Variants in NRXN3 observed in about 807,000 individuals in gnomAD.
NRXN3 encodes neurexin 3.
In NRXN3, 32 loss-of-function variants were observed where a neutral mutation model predicts 137.6. The observed-to-expected ratio is 0.23, with a 90% CI of 0.18 to 0.31. The LOEUF (loss-of-function observed/expected upper bound fraction) is 0.31, where lower values mean the gene tolerates loss of function less well. Ranked by LOEUF, NRXN3 falls within the 10% of genes least tolerant of loss-of-function variation. The probability of loss-of-function intolerance (pLI) is 1.00; values close to 1 mark genes in which losing one functional copy is unlikely to be tolerated. For synonymous variants in NRXN3, 798 were observed against 784.5 expected, an observed-to-expected ratio of 1.02 and a Z score of -0.29; for missense variants, 1,574 against 2,062.5, an observed-to-expected ratio of 0.76 and a Z score of 4.59.
At chr14:79,351,881 A>G (rs1472319190) in intron 15 of NRXN3, among the ~76,000 whole-genome samples, 2 of 152,192 alleles carry the variant, frequency 1.3e-5, no homozygotes, top group Non-Finnish European at 2.9e-5. Context: ...CAAACAGTAT[A>G]TCATCTATGT....
intron 10 of NRXN3, among the ~76,000 whole-genome samples, chr14:78,893,242 G>A (rs2099164365): frequency 6.6e-6 from 1 of 151,874 alleles, no homozygotes; most frequent in South Asian, 2.1e-4. Context: ...TCCCTTTGTT[G>A]GCATAATTGA....
intron 10 of NRXN3, among the ~76,000 whole-genome samples, chr14:78,943,867 T>C (rs2099360127): frequency 6.7e-6 from 1 of 148,678 alleles, no homozygotes; most frequent in Admixed American, 6.7e-5. Flanking sequence ...TTAGACCTGG[T>C]TTTCAAGGTG....
chr14:79,582,395 G>A (rs1423042491), intron 16 of NRXN3, among the ~76,000 whole-genome samples: 1 of 151,974 alleles, frequency 6.6e-6, no homozygotes, highest in Non-Finnish European at 1.5e-5. Context: ...TTTTTGTTTG[G>A]TTTTGTTTAT....
chr14:78,272,738 C>T (rs1370628185), intron 2 of NRXN3, among the ~76,000 whole-genome samples: 1 of 152,156 alleles, frequency 6.6e-6, no homozygotes, highest in Non-Finnish European at 1.5e-5. Context: ...TGACCCTTAC[C>T]TGATGTGCTG....
In NRXN3 at chr14:79,666,591, T is replaced by G. The variant is rs1421264347; in HGVS notation, c.3616+2642T>G. Among the ~76,000 whole-genome samples, 2 of 152,014 alleles carry G rather than the reference T, an allele frequency of 1.3e-5. 1 individual carries two copies. The highest frequency in any genetic ancestry group is 1.3e-4 in the Admixed American group (2 of 15,234). ...AAGTGAAGGAAGACCTAGGACAAGA[T>G]TTTTCTGTTTCCAATTGGGCAGTTT... On this transcript the variant is annotated intron_variant, in intron 17 of 20. Coordinates refer to ENST00000335750, the MANE Select transcript of NRXN3 (RefSeq NM_001330195.2).
chr14:79,676,922 CTT>C (rs1035833682), intron 17 of NRXN3, among the ~76,000 whole-genome samples: 3 of 151,938 alleles, frequency 2.0e-5, no homozygotes, highest in African/African-American at 7.2e-5. Context: ...TCTTAATCCT[CTT>C]TTAAAAAGGA....
intron 3 of NRXN3, among the ~76,000 whole-genome samples, chr14:78,285,630 T>G (rs145726517): frequency 6.6e-6 from 1 of 152,166 alleles, no homozygotes; most frequent in African/African-American, 2.4e-5. Flanking sequence ...AGCCTAGAAC[T>G]CTGACAATAC....
intron 4 of NRXN3, among the ~76,000 whole-genome samples, chr14:78,601,607 C>T (rs2097202420): frequency 6.6e-6 from 1 of 152,070 alleles, no homozygotes; most frequent in Non-Finnish European, 1.5e-5. Flanking sequence ...TACCCGCCAC[C>T]ACGCCCGGCT....
chr14:79,017,873 T>C (rs2099581908), intron 15 of NRXN3, among the ~76,000 whole-genome samples: 1 of 151,998 alleles, frequency 6.6e-6, no homozygotes, highest in Admixed American at 6.6e-5. Flanking sequence ...TGTTTTTCTG[T>C]AACAAAGAAC....
chr14:78,816,303 A>T (rs953218191), intron 10 of NRXN3, among the ~76,000 whole-genome samples: 34 of 152,140 alleles, frequency 2.2e-4, no homozygotes, highest in Admixed American at 2.2e-3. Context: ...AACCAAATTT[A>T]TTAGGGATTT....
In NRXN3 at chr14:79,514,688, T is replaced by TTTTATCATGGGTGCTTA. The variant is rs2096965414; in HGVS notation, c.3444+47301_3444+47302insTATTTATCATGGGTGCT. Among the ~76,000 whole-genome samples the TTTTATCATGGGTGCTTA allele has an allele frequency of 3.3e-5, 5 of 152,272 alleles. No homozygotes were observed. The South Asian group carries it at 1.0e-3, about 32-fold the overall frequency. ...GCATCACAACTTTCAGGTTAAATAA[T>TTTTATCATGGGTGCTTA]TTTATCATGGGTGCTAAGCTAGAAC... On this transcript the variant is annotated intron_variant, in intron 16 of 20. Transcript: ENST00000335750.
At position 79,486,962 on chromosome 14, in the gene NRXN3, C is replaced by CA. The variant is rs2096662889; in HGVS notation, c.3444+19560_3444+19561insA. The stretch of plus-strand genomic sequence containing the variant: ...CTCTCTCTCTCTCTCTCTCTCTCTC[C>CA]CACACACACACACCCCAAGATAAAA... On this transcript the variant is annotated intron_variant, in intron 16 of 20. Coordinates refer to ENST00000335750, the MANE Select transcript of NRXN3 (RefSeq NM_001330195.2). 1.5e-3 allele frequency among the ~76,000 whole-genome samples: 183 copies of CA among 124,106 alleles called. 2 individuals are homozygous for CA. The highest frequency in any genetic ancestry group is 4.6e-3 in the African/African-American group (129 of 27,896). 81.4% of individuals were successfully genotyped at this position (124,106 alleles called of 152,430 possible).
At position 78,988,165 on chromosome 14, in the gene NRXN3, T is replaced by A. The variant is rs369550554; in HGVS notation, c.3262+24T>A. ...TCGTAAGTACAACAACCTTTCATAC[T>A]GGAACTTTGTGAAGATGTTTGGAGA... On this transcript the variant is annotated intron_variant, in intron 15 of 20. Coordinates refer to ENST00000335750, the MANE Select transcript of NRXN3 (RefSeq NM_001330195.2). The A allele has an allele frequency of 5.0e-6, 8 of 1,613,176 alleles. No homozygotes were observed. The African/African-American group carries it at 9.3e-5, about 19-fold the overall frequency.
intron 15 of NRXN3, among the ~76,000 whole-genome samples, chr14:79,274,305 C>T (rs758738051): frequency 9.9e-5 from 15 of 152,000 alleles, no homozygotes; most frequent in Non-Finnish European, 8.8e-5. Flanking sequence ...ATACCTATTG[C>T]AATGATTCTG....
intron 16 of NRXN3, among the ~76,000 whole-genome samples, chr14:79,565,325 G>GTATATATATACACACATGTGTGTGTA (rs2097540256): frequency 9.3e-5 from 13 of 139,482 alleles, no homozygotes; most frequent in African/African-American, 3.6e-4. Flanking sequence ...ACATGTGTGT[G>GTATATATATACACACATGTGTGTGTA]TATATATATA....
chr14:79,070,154 C>G (rs572456974), intron 15 of NRXN3, among the ~76,000 whole-genome samples: 1 of 152,214 alleles, frequency 6.6e-6, no homozygotes, highest in South Asian at 2.1e-4. Context: ...TATGTTTGTT[C>G]GGGATAGCAC....
chr14:79,747,107 T>C (rs141029214), intron 19 of NRXN3, among the ~76,000 whole-genome samples: 48 of 152,126 alleles, frequency 3.2e-4, no homozygotes, highest in African/African-American at 1.1e-3. Flanking sequence ...CCCTACAAGT[T>C]GAAATGGAGT....
intron 15 of NRXN3, among the ~76,000 whole-genome samples, chr14:79,407,969 G>C (rs1299341642): frequency 6.6e-6 from 1 of 152,114 alleles, no homozygotes; most frequent in Non-Finnish European, 1.5e-5. Flanking sequence ...TTCATATCTT[G>C]TTTTAGGTTC....
At chr14:79,468,231 A>T (rs2096455739) in intron 16 of NRXN3, among the ~76,000 whole-genome samples, 1 of 152,214 alleles carries the variant, frequency 6.6e-6, no homozygotes, top group Non-Finnish European at 1.5e-5. Context: ...TAGAAGAAAA[A>T]ATTCTTTTGT....
Sources: gnomAD v4.1 joint callset for allele counts (sites outside exome capture counted in the v4.1 genomes callset) on GRCh38, gnomAD v4.1.1 for gene constraint, MANE v1.5 for transcripts, NCBI Gene and HGNC (gene_info 2026-07-23, HGNC 2026-07-21) for gene names.